The following NCALD variants were observed in gnomAD, a reference collection of about 807,000 sequenced individuals.
NCALD encodes neurocalcin delta, also known as neurocalcin-delta.
NCALD carries 10 observed loss-of-function variants against 18.6 expected under a neutral mutation model. That is an observed-to-expected ratio of 0.54 (90% CI 0.33 to 0.91). NCALD has a LOEUF of 0.91. Among genes scored for constraint, NCALD ranks in the 40% least tolerant of loss-of-function variants. The pLI, the probability that NCALD is intolerant of heterozygous loss-of-function variation, is 0.03. For missense variants in NCALD, 184 were observed against 247.6 expected (o/e 0.74, Z 1.72); for synonymous variants, 88 against 87.4 (o/e 1.01, Z -0.04).
chr8:101,965,855 T>G (rs73279275), intron 2 of NCALD, among the ~76,000 whole-genome samples: 8,048 of 152,286 alleles, frequency 0.053, 673 homozygotes, highest in African/African-American at 0.18. Flanking sequence ...CTAAATAATT[T>G]GTAAGGAATA....
intron 2 of NCALD, among the ~76,000 whole-genome samples, chr8:101,952,855 G>T (rs1012712863): frequency 6.6e-6 from 1 of 152,184 alleles, no homozygotes; most frequent in Non-Finnish European, 1.5e-5. Context: ...TGCCCGGCTT[G>T]CCAACTGCCT....
At chr8:101,756,038 C>T (rs369301627) in intron 1 of NCALD, among the ~76,000 whole-genome samples, 14 of 151,880 alleles carry the variant, frequency 9.2e-5, no homozygotes, top group Middle Eastern at 3.4e-3. Flanking sequence ...TGTCATCAGA[C>T]GGGACCTGCC....
intron 1 of NCALD, among the ~76,000 whole-genome samples, chr8:101,744,109 C>T (rs567773619): frequency 1.3e-5 from 2 of 152,316 alleles, no homozygotes; most frequent in East Asian, 1.9e-4. Flanking sequence ...GGCCATCATG[C>T]TACCTCTGAT....
chr8:101,757,382 T>C (rs1398659362), intron 1 of NCALD, among the ~76,000 whole-genome samples: 1 of 152,190 alleles, frequency 6.6e-6, no homozygotes, highest in Non-Finnish European at 1.5e-5. Context: ...CGCTCCATTG[T>C]CCTTATCTCT....
chr8:101,982,857 A>T (rs1449344563), intron 2 of NCALD, among the ~76,000 whole-genome samples: 2 of 148,732 alleles, frequency 1.3e-5, no homozygotes, highest in South Asian at 2.1e-4. Flanking sequence ...AAAAAAAAAA[A>T]TCCTTATACC....
intron 1 of NCALD, among the ~76,000 whole-genome samples, chr8:102,120,430 G>A (rs1199072095): frequency 6.6e-6 from 1 of 152,182 alleles, no homozygotes; most frequent in South Asian, 2.1e-4. Flanking sequence ...GCAATGCCGG[G>A]ATGGAGACTT....
intron 1 of NCALD, among the ~76,000 whole-genome samples, chr8:102,106,290 T>A (rs1825445240): frequency 6.6e-6 from 1 of 151,958 alleles, no homozygotes; most frequent in East Asian, 1.9e-4. Flanking sequence ...GCCAGGCTGG[T>A]CTCAAACTCC....
chr8:101,687,318 G>A lies in NCALD; in HGVS notation c.*1991C>T, dbSNP rs1398679770. The stretch of plus-strand genomic sequence containing the variant: ...GAGCACTGCCAATAGGGCATGCTAG[G>A]TCTCCTCACCCAGTCTGCCTTCTGT... On this transcript the variant is annotated 3_prime_UTR_variant, in exon 4 of 4. Coordinates refer to ENST00000220931, the MANE Select transcript of NCALD (RefSeq NM_032041.3). 1 of 152,688 alleles carries A rather than the reference G, an allele frequency of 6.5e-6. No homozygotes were observed. 9.5% of individuals were successfully genotyped at this position (152,688 alleles called of 1,614,324 possible). A position where few individuals can be genotyped will look rare whatever the true frequency, so the allele number is the denominator to read the frequency against.
chr8:101,912,830 G>A (rs1817847892), intron 3 of NCALD, among the ~76,000 whole-genome samples: 1 of 152,218 alleles, frequency 6.6e-6, no homozygotes. Context: ...CAAAGCCAAT[G>A]CCTTCATTGA....
At chr8:101,854,913 G>A (rs910097436) in intron 4 of NCALD, among the ~76,000 whole-genome samples, 6 of 152,256 alleles carry the variant, frequency 3.9e-5, no homozygotes, top group South Asian at 2.1e-4. Context: ...GGGATACTGA[G>A]ATCAATAATG....
chr8:101,834,550 C>T (rs1028079905), intron 4 of NCALD, among the ~76,000 whole-genome samples: 1 of 152,256 alleles, frequency 6.6e-6, no homozygotes, highest in Admixed American at 6.5e-5. Context: ...GACTGAGCTG[C>T]TCGGGACCTG....
chr8:101,829,700 G>T (rs1442893565), intron 4 of NCALD, among the ~76,000 whole-genome samples: 1 of 152,060 alleles, frequency 6.6e-6, no homozygotes, highest in Non-Finnish European at 1.5e-5. Flanking sequence ...TAGTTTTTTA[G>T]GTTCTGAATT....
chr8:102,024,634 C>A (rs1015990456), intron 1 of NCALD, among the ~76,000 whole-genome samples: 1 of 152,188 alleles, frequency 6.6e-6, no homozygotes, highest in African/African-American at 2.4e-5. Context: ...ATAACCAAAT[C>A]CTGTAGATAG....
intron 1 of NCALD, among the ~76,000 whole-genome samples, chr8:101,789,861 T>A (rs1563772569): frequency 6.6e-6 from 1 of 152,138 alleles, no homozygotes; most frequent in Non-Finnish European, 1.5e-5. Flanking sequence ...CTGAAATTAC[T>A]AAACTTGGGA....
At chr8:101,881,083 C>G (rs1356387193) in intron 4 of NCALD, among the ~76,000 whole-genome samples, 1 of 151,898 alleles carries the variant, frequency 6.6e-6, no homozygotes, top group East Asian at 1.9e-4. Flanking sequence ...AGGCAGGAAG[C>G]CTTTAAGTGA....
intron 2 of NCALD, among the ~76,000 whole-genome samples, chr8:101,983,544 T>A (rs990466620): frequency 1.3e-5 from 2 of 152,210 alleles, no homozygotes; most frequent in African/African-American, 4.8e-5. Context: ...TAGGCCTCCA[T>A]GATGAGCTTG....
At chr8:101,810,035 G>C (rs939405086) in intron 4 of NCALD, among the ~76,000 whole-genome samples, 3 of 152,236 alleles carry the variant, frequency 2.0e-5, no homozygotes, top group Non-Finnish European at 4.4e-5. Flanking sequence ...TGCCTGTGTT[G>C]ACAGTGCAAC....
chr8:101,716,580 T>TTCAC lies in NCALD; in HGVS notation c.378+2671_378+2672insGTGA, dbSNP rs1816097391. On this transcript the variant is annotated intron_variant, in intron 2 of 3. Coordinates refer to ENST00000220931, the MANE Select transcript of NCALD (RefSeq NM_032041.3). ...TTTTGCTTATTCACCCAGATGTTGA[T>TTCAC]CCAGCACAAAAATATTTTCTTTAAA... is the stretch of plus-strand genomic sequence containing the variant. Among the ~76,000 whole-genome samples the TTCAC allele has an allele frequency of 3.3e-5, 5 of 152,298 alleles. No homozygotes were observed. The East Asian group carries it at 9.6e-4, about 29-fold the overall frequency.
chr8:101,777,350 T>C (rs1293482056), intron 1 of NCALD, among the ~76,000 whole-genome samples: 1 of 152,138 alleles, frequency 6.6e-6, no homozygotes, highest in Non-Finnish European at 1.5e-5. Flanking sequence ...GACAGAAAAT[T>C]GTAGAACTGT....
Sources: allele counts gnomAD v4.1 joint callset (sites outside exome capture counted in the v4.1 genomes callset), GRCh38; gene constraint gnomAD v4.1.1; transcripts MANE v1.5; gene names NCBI Gene and HGNC (gene_info 2026-07-23, HGNC 2026-07-21).